The following CEP128 variants were observed in gnomAD, a reference collection of about 807,000 sequenced individuals.
CEP128 encodes the protein centrosomal protein 128kDa.
A neutral mutation model predicts 156.7 loss-of-function variants in CEP128; 132 were observed. The observed-to-expected ratio is 0.84, with a 90% CI of 0.73 to 0.97. The LOEUF is 0.97. Among genes scored for constraint, CEP128 ranks in the 50% least tolerant of loss-of-function variants. The pLI is 0.00. For missense variants in CEP128, 1,252 were observed against 1,281.9 expected, an observed-to-expected ratio of 0.98 and a Z score of 0.36; for synonymous variants, 469 against 448.9, an observed-to-expected ratio of 1.04 and a Z score of -0.57.
At chr14:80,824,417 G>A (rs1258513453) in intron 13 of CEP128, among the ~76,000 whole-genome samples, 1 of 152,162 alleles carries the variant, frequency 6.6e-6, no homozygotes, top group Non-Finnish European at 1.5e-5. Context: ...GCATTGTCAG[G>A]CTGCAAATTC....
At chr14:80,532,026 C>T (rs1889250388) in intron 21 of CEP128, among the ~76,000 whole-genome samples, 1 of 152,138 alleles carries the variant, frequency 6.6e-6, no homozygotes, top group African/African-American at 2.4e-5. Context: ...ACAATAACCT[C>T]TACTGTGTTA....
At chr14:80,878,144 A>G (rs527553282) in intron 8 of CEP128, among the ~76,000 whole-genome samples, 97 of 152,264 alleles carry the variant, frequency 6.4e-4, no homozygotes, top group African/African-American at 2.1e-3. Context: ...ATATTAGAGC[A>G]GCTGCACCTT....
chr14:80,620,579 C>A (rs1468462646), intron 19 of CEP128, among the ~76,000 whole-genome samples: 12 of 152,186 alleles, frequency 7.9e-5, no homozygotes, highest in Non-Finnish European at 1.6e-4. Flanking sequence ...AATAAAATAT[C>A]TTTCAAGTGT....
intron 19 of CEP128, among the ~76,000 whole-genome samples, chr14:80,723,958 AT>A (rs2034577264): frequency 6.6e-6 from 1 of 152,222 alleles, no homozygotes; most frequent in African/African-American, 2.4e-5. Flanking sequence ...ATCCATCATC[AT>A]AAAACAGAAC....
rs114340194 is a variant in CEP128 at position 80,608,827 on chromosome 14, C to T, written c.2807-28404G>A. Among the ~76,000 whole-genome samples, 521 of 152,288 alleles carry T rather than the reference C, an allele frequency of 3.4e-3. 5 individuals are homozygous for T. The highest frequency in any genetic ancestry group is 0.012 in the African/African-American group (501 of 41,566). On this transcript the variant is annotated intron_variant, in intron 19 of 24. Transcript: ENST00000555265. Reference sequence around the variant, plus strand: ...GTCAGTACCCTGTGCCTTGCTTTAACACAGCACTGTCACATTATTTCTAAA... The same window carrying T: ...GTCAGTACCCTGTGCCTTGCTTTAATACAGCACTGTCACATTATTTCTAAA...
rs1275940034 is a variant in CEP128, at chr14:80,896,400, T to G, written c.573-610A>C. ...TGGCTGCACTTCCCTCTGTGAATCA[T>G]GCACAACCATTTCCATTATTAATTA... On this transcript the variant is annotated intron_variant, in intron 7 of 24. Transcript: ENST00000555265. Among the ~76,000 whole-genome samples, 3 of 152,218 alleles carry G rather than the reference T, an allele frequency of 2.0e-5. No homozygotes were observed. In the East Asian group the frequency reaches 5.8e-4, roughly 29 times the overall value.
chr14:80,847,823 G>C (rs1886684878), intron 9 of CEP128, among the ~76,000 whole-genome samples: 1 of 152,170 alleles, frequency 6.6e-6, no homozygotes, highest in Non-Finnish European at 1.5e-5. Flanking sequence ...GTCCCTAAAA[G>C]GTGAGATAGT....
intron 19 of CEP128, among the ~76,000 whole-genome samples, chr14:80,725,010 T>C (rs28394640): frequency 0.071 from 10,323 of 145,380 alleles, 1,175 homozygotes; most frequent in African/African-American, 0.25. Flanking sequence ...TATATATATA[T>C]ACATATATGA....
At chr14:80,740,040 T>C (rs1898730117) in intron 19 of CEP128, among the ~76,000 whole-genome samples, 1 of 152,146 alleles carries the variant, frequency 6.6e-6, no homozygotes, top group African/African-American at 2.4e-5. Flanking sequence ...CAAGATATCA[T>C]CTCTGTCTTT....
chr14:80,708,433 TCA>T (rs1259703366), intron 19 of CEP128, among the ~76,000 whole-genome samples: 6 of 152,154 alleles, frequency 3.9e-5, no homozygotes, highest in Admixed American at 1.3e-4. Flanking sequence ...TATGGGAATA[TCA>T]CCTCTTGTCT....
Position 80,777,990 on chromosome 14 carries a change from C to T in CEP128, c.2268G>A (p.Lys756=). 1 of 1,613,602 alleles carries T rather than the reference C, an allele frequency of 6.2e-7. No individual in the cohort carries two copies. Among genetic ancestry groups the T allele is most frequent in the Non-Finnish European group, 8.5e-7 (1 of 1,179,822 alleles). The change falls in exon 16 of 25, where the codon AAG becomes AAA. Residue 756 remains lysine (K), a synonymous_variant. Coordinates refer to ENST00000555265, the MANE Select transcript of CEP128 (RefSeq NM_152446.5). The part of the protein sequence containing the change: ...MAKIHRGQLE[K]LKSQCDRLTE... ...TCAGTCTGTCACACTGTGATTTCAA[C>T]TTCTCCAGCTGACCACGATGAATTT...
In CEP128 at chr14:80,784,918, C is replaced by T; in HGVS notation, c.2188G>A (p.Glu730Lys). 1 of 1,612,130 alleles carries T rather than the reference C, an allele frequency of 6.2e-7. No individual in the cohort carries two copies. Among genetic ancestry groups the T allele is most frequent in the Non-Finnish European group, 8.5e-7 (1 of 1,179,114 alleles). ...ACCTTCAGAGTCCTGATATGATTCT[C>T]AGCCTCACTCTTTTCTTTCTTAAAG... The part of the protein sequence containing the change: ...KHFKKEKSEA[E>K]NHIRTLKAES... The change falls in exon 15 of 25, where the codon GAG (glutamate) becomes AAG (lysine). Residue 730 changes from glutamate (E) to lysine (K), a missense_variant. Glu to Lys is a moderately conservative substitution (Grantham distance 56). Coordinates refer to ENST00000555265, the MANE Select transcript of CEP128 (RefSeq NM_152446.5).
chr14:80,792,968 G>T lies in CEP128; in HGVS notation c.1352C>A (p.Ala451Glu), dbSNP rs114560320. 6 of 1,614,022 alleles carry T rather than the reference G, an allele frequency of 3.7e-6. No individual in the cohort carries two copies. The highest frequency in any genetic ancestry group is 5.1e-6 in the Non-Finnish European group (6 of 1,180,036). Residue 451 changes from alanine (A) to glutamate (E), a missense_variant, in exon 14 of 25, where the codon GCG (alanine) becomes GAG (glutamate). Transcript: ENST00000555265. ...DLQISELTRH[A>E]EDATKQAERY... is the part of the protein sequence containing the mutation. Reference sequence around the variant, plus strand: ...CTCAGCCTGCTTGGTTGCATCCTCCGCATGGCGAGTCAGCTCTGAGATCTG... The same window carrying T: ...CTCAGCCTGCTTGGTTGCATCCTCCTCATGGCGAGTCAGCTCTGAGATCTG...
At chr14:80,957,396 C>T (rs1410832171) in intron 2 of CEP128, among the ~76,000 whole-genome samples, 1 of 151,872 alleles carries the variant, frequency 6.6e-6, no homozygotes, top group Admixed American at 6.6e-5. Context: ...ACAAGCTTCT[C>T]TAACATAGGG....
rs145523632 is a variant in CEP128, at chr14:80,702,004, C to G, written c.2806+41071G>C. Among the ~76,000 whole-genome samples, 12 of 152,272 alleles carry G rather than the reference C, an allele frequency of 7.9e-5. No homozygotes were observed. In the East Asian group the frequency reaches 2.3e-3, roughly 29 times the overall value. ...CCCCTGGCACTTCCTGAATGGAACC[C>G]ACTCTGATCTTATTTAAAATTACAC... On this transcript the variant is annotated intron_variant, in intron 19 of 24. Coordinates refer to ENST00000555265, the MANE Select transcript of CEP128 (RefSeq NM_152446.5).
intron 19 of CEP128, among the ~76,000 whole-genome samples, chr14:80,615,176 G>A (rs1173673134): frequency 6.6e-6 from 1 of 152,056 alleles, no homozygotes; most frequent in Non-Finnish European, 1.5e-5. Flanking sequence ...CACTTATAAT[G>A]GGGAAACTCT....
At chr14:80,523,475 G>GT (rs1888841561) in intron 23 of CEP128, among the ~76,000 whole-genome samples, 1 of 152,088 alleles carries the variant, frequency 6.6e-6, no homozygotes, top group South Asian at 2.1e-4. Flanking sequence ...ATTCCTAAGG[G>GT]TTGGTAATGT....
chr14:80,634,073 G>A (rs1252471867), intron 19 of CEP128, among the ~76,000 whole-genome samples: 1 of 152,134 alleles, frequency 6.6e-6, no homozygotes, highest in Non-Finnish European at 1.5e-5. Context: ...TAGAAATTTG[G>A]GTCACTAGGG....
chr14:80,653,988 A>ACT (rs1895024225), intron 19 of CEP128, among the ~76,000 whole-genome samples: 1 of 152,150 alleles, frequency 6.6e-6, no homozygotes, highest in Non-Finnish European at 1.5e-5. Flanking sequence ...ACTCACATGT[A>ACT]CTAGATAATG....
Sources: gnomAD v4.1 joint callset for allele counts (sites outside exome capture counted in the v4.1 genomes callset) on GRCh38, gnomAD v4.1.1 for gene constraint, MANE v1.5 for transcripts, NCBI Gene and HGNC (gene_info 2026-07-23, HGNC 2026-07-21) for gene names.